GMPS: variants seen among roughly 807,000 people sequenced by gnomAD.
GMPS encodes guanosine monophosphate synthase.
In GMPS, 15 loss-of-function variants were observed where a neutral mutation model predicts 77.9. That is an observed-to-expected ratio of 0.19 (90% confidence interval 0.13 to 0.30). GMPS has a LOEUF of 0.30. Among genes scored for constraint, GMPS ranks in the 10% least tolerant of loss-of-function variants. GMPS has a pLI of 1.00. For missense variants in GMPS, 590 were observed against 838.8 expected (o/e 0.70, Z 3.66); for synonymous variants, 224 against 275.9 (o/e 0.81, Z 1.86).
In GMPS at chr3:155,939,339, G is replaced by A. The variant is rs750953655; in HGVS notation, c.*1647G>A. On this transcript the variant is annotated 3_prime_UTR_variant, in exon 16 of 16. Transcript: ENST00000496455. Reference sequence around the variant, plus strand: ...TGCTTACCAACATGTGTCAGTACACGTTTATGTTTATATGAAAAAAAATTT... The same window carrying A: ...TGCTTACCAACATGTGTCAGTACACATTTATGTTTATATGAAAAAAAATTT... The A allele has an allele frequency of 3.3e-5, 7 of 210,714 alleles. No individual in the cohort carries two copies. Among genetic ancestry groups the A allele is most frequent in the Admixed American group, 5.9e-5 (1 of 17,028 alleles). The allele number at this position is 210,714 out of a possible 1,614,324, so 13.1% of individuals were successfully genotyped here.
In GMPS at chr3:155,899,795, G is replaced by A. The variant is rs192333915; in HGVS notation, c.324+1754G>A. ...TGGCAACCACTGATATTTTTTTATC[G>A]TCTTTATAGTTTTGCCTTTTTCAGC... On this transcript the variant is annotated intron_variant, in intron 3 of 15. Transcript: ENST00000496455. Among the ~76,000 whole-genome samples the A allele has an allele frequency of 1.5e-3, 224 of 152,108 alleles. 1 individual carries two copies. Among genetic ancestry groups the A allele is most frequent in the African/African-American group, 5.1e-3 (211 of 41,492 alleles).
chr3:155,876,714 G>T (rs1754057724), intron 1 of GMPS, among the ~76,000 whole-genome samples: 1 of 152,188 alleles, frequency 6.6e-6, no homozygotes, highest in Non-Finnish European at 1.5e-5. Context: ...TTTCTCCCCA[G>T]TGATGTGTAT....
chr3:155,918,670 T>C (rs1755244324), intron 9 of GMPS, among the ~76,000 whole-genome samples: 1 of 152,242 alleles, frequency 6.6e-6, no homozygotes, highest in South Asian at 2.1e-4. Context: ...GTTTGTTACA[T>C]AGGTAAACTT....
At chr3:155,891,857 C>T (rs1230097100) in intron 1 of GMPS, among the ~76,000 whole-genome samples, 2 of 152,126 alleles carry the variant, frequency 1.3e-5, no homozygotes, top group East Asian at 1.9e-4. Context: ...CCACCTGCCT[C>T]GGCCTCCCAA....
rs963012797 is a variant in GMPS, at chr3:155,915,441, G to A, written c.1039-578G>A. On this transcript the variant is annotated intron_variant, in intron 8 of 15. Transcript: ENST00000496455. ...TTTTGAGATGGAGTCTCACTCTGCC[G>A]CCCAGGCTGGAGTGTAGTGGTGCAA... 6.6e-5 allele frequency among the ~76,000 whole-genome samples: 10 copies of A among 151,452 alleles called. 2 individuals are homozygous for A. Among genetic ancestry groups the A allele is most frequent in the Admixed American group, 5.9e-4 (9 of 15,206 alleles).
At chr3:155,932,512 CA>C (rs1755652380) in intron 13 of GMPS, among the ~76,000 whole-genome samples, 1 of 152,106 alleles carries the variant, frequency 6.6e-6, no homozygotes, top group Non-Finnish European at 1.5e-5. Flanking sequence ...TTGGATATAT[CA>C]ACAGCTGATT....
At chr3:155,926,551 A>G (rs750318233) in intron 12 of GMPS, among the ~76,000 whole-genome samples, 46 of 152,158 alleles carry the variant, frequency 3.0e-4, no homozygotes, top group Non-Finnish European at 5.3e-4. Flanking sequence ...CATTGTGCAC[A>G]TGTACCCTAA....
chr3:155,913,727 G>T (rs1755097701), intron 7 of GMPS, among the ~76,000 whole-genome samples: 2 of 151,930 alleles, frequency 1.3e-5, no homozygotes, highest in South Asian at 2.1e-4. Context: ...TGCCATTTTG[G>T]CCAGGCTGGT....
chr3:155,911,295 A>G lies in GMPS; in HGVS notation c.886+16A>G. The G allele has an allele frequency of 1.3e-6, 2 of 1,555,514 alleles. No individual in the cohort carries two copies. Among genetic ancestry groups the G allele is most frequent in the Non-Finnish European group, 1.7e-6 (2 of 1,145,164 alleles). ...CAGGTCAAAGGTATTGAAGAACCTC[A>G]GAAAAGTTAACTTACATGTTAGGAC... On this transcript the variant is annotated intron_variant, in intron 7 of 15. Coordinates refer to ENST00000496455, the MANE Select transcript of GMPS (RefSeq NM_003875.3).
chr3:155,875,042 C>A (rs1754010416), intron 1 of GMPS, among the ~76,000 whole-genome samples: 1 of 150,972 alleles, frequency 6.6e-6, no homozygotes, highest in South Asian at 2.1e-4. Context: ...CCTCAGCCAC[C>A]CGAGTAGCTG....
intron 1 of GMPS, among the ~76,000 whole-genome samples, chr3:155,879,622 G>A (rs1754159397): frequency 6.6e-6 from 1 of 151,730 alleles, no homozygotes; most frequent in Non-Finnish European, 1.5e-5. Flanking sequence ...ATCTCATTTT[G>A]GCTATGATTT....
intron 9 of GMPS, among the ~76,000 whole-genome samples, chr3:155,917,137 C>T (rs1755201086): frequency 6.6e-6 from 1 of 152,046 alleles, no homozygotes; most frequent in Non-Finnish European, 1.5e-5. Context: ...CGAGGCCCGG[C>T]TAATTTTGTA....
At chr3:155,891,439 G>A (rs1754459852) in intron 1 of GMPS, among the ~76,000 whole-genome samples, 1 of 152,090 alleles carries the variant, frequency 6.6e-6, no homozygotes, top group Non-Finnish European at 1.5e-5. Context: ...AAGGGTAAAG[G>A]TCTGAAAGGA....
chr3:155,872,169 C>G (rs552702396), intron 1 of GMPS, among the ~76,000 whole-genome samples: 1 of 152,314 alleles, frequency 6.6e-6, no homozygotes, highest in East Asian at 1.9e-4. Context: ...TTAAAAGGTG[C>G]TGCTCAAGGG....
At chr3:155,871,030 C>A in intron 1 of GMPS, 133 bp downstream of exon 1, 4 of 775,340 alleles carry the variant, frequency 5.2e-6, no homozygotes, top group Non-Finnish European at 7.4e-6. Flanking sequence ...CGGGCAGCCA[C>A]GCGTCGTAGA....
Position 155,897,934 on chromosome 3 carries a change from A to G in GMPS, c.217A>G (p.Ile73Val), listed in dbSNP as rs762197231. The change falls in exon 3 of 16, where the codon ATC becomes GTC. Residue 73 changes from isoleucine (I) to valine (V), a missense_variant. Ile to Val is a conservative substitution (Grantham distance 29). Coordinates refer to ENST00000496455, the MANE Select transcript of GMPS (RefSeq NM_003875.3). ...TTGTTCCTTAAATCACAGTGCTATTATCATCTCTGGAGGACCTAATTCTGT... is the reference window on the plus strand; with the variant it reads ...TTGTTCCTTAAATCACAGTGCTATTGTCATCTCTGGAGGACCTAATTCTGT... The part of the protein sequence containing the change: ...AIKEQGFRAI[I>V]ISGGPNSVYA... 51 of 1,512,044 alleles carry G rather than the reference A, an allele frequency of 3.4e-5. No homozygotes were observed. Among genetic ancestry groups the G allele is most frequent in the Non-Finnish European group, 4.5e-5 (49 of 1,087,060 alleles). The allele number at this position is 1,512,044 out of a possible 1,614,324, so 93.7% of individuals were successfully genotyped here.
intron 5 of GMPS, among the ~76,000 whole-genome samples, chr3:155,909,973 A>G (rs1754987265): frequency 6.6e-6 from 1 of 152,012 alleles, no homozygotes; most frequent in Non-Finnish European, 1.5e-5. Flanking sequence ...GGCCGGGCGC[A>G]GTGGCTCACG....
rs1312503781 is a variant in GMPS, at chr3:155,926,679, A to AT, written c.1560+1315dup. On this transcript the variant is annotated intron_variant, in intron 12 of 15. Transcript: ENST00000496455. ...TAAATATATGAATCTGTCAGTTTAA[A>AT]TTCCCCTTTGCTCTGAATTCATGCA... Among the ~76,000 whole-genome samples the AT allele has an allele frequency of 2.1e-4, 32 of 152,348 alleles. 1 individual carries two copies. The highest frequency in any genetic ancestry group is 2.1e-4 in the South Asian group (1 of 4,826).
chr3:155,896,595 AT>A (rs1466214885), intron 2 of GMPS, among the ~76,000 whole-genome samples: 4 of 150,392 alleles, frequency 2.7e-5, no homozygotes, highest in Admixed American at 2.6e-4. Context: ...ATTTTTTTAA[AT>A]TTTTTGTAGA....
Sources: allele counts gnomAD v4.1 joint callset (sites outside exome capture counted in the v4.1 genomes callset), GRCh38; gene constraint gnomAD v4.1.1; transcripts MANE v1.5; gene names NCBI Gene and HGNC (gene_info 2026-07-23, HGNC 2026-07-21).